KCNIP4: variants seen among roughly 807,000 people sequenced by gnomAD.
The protein encoded by KCNIP4 is Kv channel-interacting protein 4.
A neutral mutation model predicts 34.0 loss-of-function variants in KCNIP4; 12 were observed. The observed-to-expected ratio is 0.35, with a 90% CI of 0.23 to 0.57. The LOEUF (loss-of-function observed/expected upper bound fraction) is 0.57. Among genes scored for constraint, KCNIP4 ranks in the 20% least tolerant of loss-of-function variants. KCNIP4 has a pLI of 0.83. For synonymous variants in KCNIP4, 124 were observed against 102.2 expected, an observed-to-expected ratio of 1.21 and a Z score of -1.29; for missense variants, 238 against 311.7, an observed-to-expected ratio of 0.76 and a Z score of 1.78.
chr4:21,507,507 T>C (rs182895942), intron 1 of KCNIP4, among the ~76,000 whole-genome samples: 1 of 152,182 alleles, frequency 6.6e-6, no homozygotes, highest in Admixed American at 6.5e-5. Flanking sequence ...TCTGCCCGCT[T>C]AGGTCTCCCA....
intron 1 of KCNIP4, among the ~76,000 whole-genome samples, chr4:21,217,819 T>C (rs1013413013): frequency 2.0e-5 from 3 of 152,046 alleles, no homozygotes; most frequent in African/African-American, 7.2e-5. Context: ...GTACATCTAA[T>C]GATGTTCAGC....
intron 4 of KCNIP4, among the ~76,000 whole-genome samples, chr4:20,756,367 T>C (rs1005865289): frequency 6.6e-6 from 1 of 152,202 alleles, no homozygotes; most frequent in African/African-American, 2.4e-5. Flanking sequence ...CGCATCACTA[T>C]CTTTTTCCTC....
intron 1 of KCNIP4, among the ~76,000 whole-genome samples, chr4:21,535,580 A>C (rs753316025): frequency 2.4e-4 from 37 of 152,132 alleles, no homozygotes; most frequent in Non-Finnish European, 4.3e-4. Context: ...AGTTACCCTC[A>C]TTTGATTTGC....
chr4:21,909,767 C>T (rs1432812971), intron 1 of KCNIP4, among the ~76,000 whole-genome samples: 1 of 152,020 alleles, frequency 6.6e-6, no homozygotes, highest in Non-Finnish European at 1.5e-5. Flanking sequence ...GCCTCACAAT[C>T]ATGGTGGAAG....
At chr4:21,124,271 T>C (rs1750425789) in intron 1 of KCNIP4, among the ~76,000 whole-genome samples, 2 of 152,172 alleles carry the variant, frequency 1.3e-5, no homozygotes, top group African/African-American at 4.8e-5. Flanking sequence ...CATGTATTAA[T>C]ATTATTATGA....
chr4:20,784,097 A>G (rs117680051), intron 3 of KCNIP4, among the ~76,000 whole-genome samples: 1 of 152,290 alleles, frequency 6.6e-6, no homozygotes, highest in East Asian at 1.9e-4. Context: ...GTGTCCTAAA[A>G]CAATATAAGT....
intron 3 of KCNIP4, among the ~76,000 whole-genome samples, chr4:20,814,192 C>T (rs1334976013): frequency 1.3e-5 from 2 of 152,174 alleles, no homozygotes; most frequent in Non-Finnish European, 2.9e-5. Flanking sequence ...AGAACTGAAA[C>T]AGAATTTGCC....
At chr4:21,904,537 T>A (rs1055307364) in intron 1 of KCNIP4, among the ~76,000 whole-genome samples, 1 of 152,182 alleles carries the variant, frequency 6.6e-6, no homozygotes. Context: ...TCACCAAACA[T>A]CTTTTCAAAT....
At chr4:21,628,833 T>C (rs1337438616) in intron 1 of KCNIP4, among the ~76,000 whole-genome samples, 3 of 152,240 alleles carry the variant, frequency 2.0e-5, no homozygotes, top group Admixed American at 2.0e-4. Flanking sequence ...CATAATAAAT[T>C]ATACCCATTT....
At chr4:21,406,198 C>T (rs893619688) in intron 1 of KCNIP4, among the ~76,000 whole-genome samples, 3 of 152,264 alleles carry the variant, frequency 2.0e-5, no homozygotes, top group Non-Finnish European at 2.9e-5. Flanking sequence ...CAATGCTTCT[C>T]GGCCTCTTGC....
At chr4:21,128,441 C>A (rs1437891262) in intron 1 of KCNIP4, among the ~76,000 whole-genome samples, 1 of 152,164 alleles carries the variant, frequency 6.6e-6, no homozygotes. Context: ...GCATTTGTCA[C>A]AGATTTTTCC....
chr4:20,765,801 AGAT>A (rs1755346408), intron 3 of KCNIP4, among the ~76,000 whole-genome samples: 1 of 152,176 alleles, frequency 6.6e-6, no homozygotes, highest in Non-Finnish European at 1.5e-5. Context: ...TAACTGCCAT[AGAT>A]TTGTCTGTTG....
intron 1 of KCNIP4, among the ~76,000 whole-genome samples, chr4:21,609,696 G>A (rs114229325): frequency 0.026 from 4,020 of 152,206 alleles, 175 homozygotes; most frequent in African/African-American, 0.09. Context: ...TTAAATTAGG[G>A]ACACAGACTA....
At chr4:21,925,435 A>G (rs1334935622) in intron 1 of KCNIP4, among the ~76,000 whole-genome samples, 1 of 152,152 alleles carries the variant, frequency 6.6e-6, no homozygotes, top group Non-Finnish European at 1.5e-5. Flanking sequence ...ATGGCTGCAT[A>G]GTATTCCATG....
chr4:21,603,532 A>G (rs1208592392), intron 1 of KCNIP4, among the ~76,000 whole-genome samples: 3 of 152,202 alleles, frequency 2.0e-5, no homozygotes, highest in Non-Finnish European at 4.4e-5. Flanking sequence ...ATTAACTAAG[A>G]GGCCAACTAC....
chr4:21,010,781 T>C (rs1427828281), intron 1 of KCNIP4, among the ~76,000 whole-genome samples: 1 of 152,222 alleles, frequency 6.6e-6, no homozygotes, highest in African/African-American at 2.4e-5. Flanking sequence ...AAACACAAGA[T>C]ATATTTGAAA....
chr4:21,573,908 T>C (rs1443805672), intron 1 of KCNIP4, among the ~76,000 whole-genome samples: 1 of 152,242 alleles, frequency 6.6e-6, no homozygotes, highest in East Asian at 1.9e-4. Flanking sequence ...GTTTAGTTAC[T>C]GTTTCAAATA....
chr4:21,319,938 A>G (rs1276777304), intron 1 of KCNIP4, among the ~76,000 whole-genome samples: 1 of 152,212 alleles, frequency 6.6e-6, no homozygotes, highest in Non-Finnish European at 1.5e-5. Context: ...GCAAATAGAA[A>G]AGGCATTATT....
At chr4:21,523,054 C>G (rs1364480552) in intron 1 of KCNIP4, among the ~76,000 whole-genome samples, 1 of 151,886 alleles carries the variant, frequency 6.6e-6, no homozygotes, top group South Asian at 2.1e-4. Context: ...GGGGGGGACA[C>G]TATTCACCAA....
Sources: allele counts gnomAD v4.1 joint callset (sites outside exome capture counted in the v4.1 genomes callset), GRCh38; gene constraint gnomAD v4.1.1; transcripts MANE v1.5; gene names NCBI Gene and HGNC (gene_info 2026-07-23, HGNC 2026-07-21).